The following GPAT2 variants were observed in gnomAD, a reference collection of about 807,000 sequenced individuals.
GPAT2 encodes the protein 1-acylglycerol-3-phosphate O-acyltransferase GPAT2.
Under a neutral mutation model 71.0 loss-of-function variants are expected in GPAT2, and 51 were observed. That is an observed-to-expected ratio of 0.72 (90% CI 0.57 to 0.91). The LOEUF (loss-of-function observed/expected upper bound fraction) is 0.91. GPAT2 is among the 40% of genes least tolerant of loss of function. The probability of loss-of-function intolerance (pLI) is 0.00; values close to 1 mark genes in which losing one functional copy is unlikely to be tolerated. For synonymous variants in GPAT2, 222 were observed against 290.3 expected (o/e 0.76, Z 2.39); for missense variants, 511 against 666.0 (o/e 0.77, Z 2.56).
chr2:96,024,667 G>C lies in GPAT2; in HGVS notation c.1447C>G (p.Leu483Val). Reference protein sequence around the residue: ...KHQKGVFLSQLLGEFSWLTEE... With the variant: ...KHQKGVFLSQVLGEFSWLTEE... Reference sequence around the variant, plus strand: ...GTCAGCCAGGAGAACTCCCCCAGGAGCTGCGACAGGAACACACCCTGGGTG... The same window carrying C: ...GTCAGCCAGGAGAACTCCCCCAGGACCTGCGACAGGAACACACCCTGGGTG... Residue 483 changes from leucine to valine, a missense_variant, in exon 15 of 22, where the codon CTC becomes GTC. Leu to Val is a conservative substitution (Grantham distance 32, BLOSUM62 1). Coordinates refer to ENST00000434632, the MANE Select transcript of GPAT2 (RefSeq NM_001321527.2). 1.2e-6 allele frequency: 2 copies of C among 1,613,954 alleles called. No individual in the cohort carries two copies. Among genetic ancestry groups the C allele is most frequent in the South Asian group, 1.1e-5 (1 of 91,086 alleles).
At chr2:96,022,768 G>T in intron 20 of GPAT2, 45 bp from the exon 21 acceptor site, 1 of 1,613,992 alleles carries the variant, frequency 6.2e-7, no homozygotes, top group Non-Finnish European at 8.5e-7. Flanking sequence ...GGAGAACAGA[G>T]AGCCACTGGG....
chr2:96,030,282 CT>C (rs1680626193), intron 6 of GPAT2, 123 bp downstream of exon 6: 5 of 523,802 alleles, frequency 9.5e-6, no homozygotes, highest in Non-Finnish European at 1.8e-5. Flanking sequence ...CTGCAGCCCA[CT>C]CTGGTAAACA....
At chr2:96,026,331 A>G in intron 10 of GPAT2, 26 bp from the exon 11 acceptor site, 1 of 1,474,790 alleles carries the variant, frequency 6.8e-7, no homozygotes, top group Non-Finnish European at 9.0e-7. Context: ...GGATAACTAT[A>G]CTCGCCGAGG....
chr2:96,022,175 T>C lies in GPAT2; in HGVS notation c.2390A>G (p.Gln797Arg), dbSNP rs1482415794. ...CTCACAGTTCTAGCTACAAATGAACTGCCGGATGAACTGTTCTAGTTTTTC... is the reference window on the plus strand; with the variant it reads ...CTCACAGTTCTAGCTACAAATGAACCGCCGGATGAACTGTTCTAGTTTTTC... ...NQEKLEQFIR[Q>R]FICS The change falls in exon 22 of 22, where the codon CAG (glutamine) becomes CGG (arginine). Residue 797 changes from glutamine (Q) to arginine (R), a missense_variant. By Grantham distance (43) the Gln-to-Arg change is conservative (BLOSUM62 1). This residue lies in a region of GPAT2 where 108 missense variants were observed against 117.6 expected (regional missense o/e 0.92). Coordinates refer to ENST00000434632, the MANE Select transcript of GPAT2 (RefSeq NM_001321527.2). 4.3e-5 allele frequency: 70 copies of C among 1,610,714 alleles called. No individual in the cohort carries two copies. The highest frequency in any genetic ancestry group is 5.8e-5 in the Non-Finnish European group (68 of 1,179,310).
Position 96,022,639 on chromosome 2 carries a change from C to A in GPAT2, c.2289+29G>T, listed in dbSNP as rs181287801. 141 of 1,611,980 alleles carry A rather than the reference C, an allele frequency of 8.7e-5. No homozygotes were observed. The East Asian group carries it at 2.4e-3, about 28-fold the overall frequency. On this transcript the variant is annotated intron_variant, in intron 21 of 21. Transcript: ENST00000434632. Reference sequence around the variant, plus strand: ...CTCTATTGGGGTGGGAGCAGGGGGACAGAAGATGGTGACAGTGGCTCCTCT... The same window carrying A: ...CTCTATTGGGGTGGGAGCAGGGGGAAAGAAGATGGTGACAGTGGCTCCTCT...
Position 96,024,426 on chromosome 2 carries a change from C to T in GPAT2, c.1687+1G>A. On this transcript the variant is annotated splice_donor_variant, in intron 15 of 21. Coordinates refer to ENST00000434632, the MANE Select transcript of GPAT2 (RefSeq NM_001321527.2). LOFTEE classifies it high-confidence loss of function. ...CCTACCCCGTGCACCTCAAGACTCA[C>T]CGCCCACAGCCTCGCTCAGGAAGAC... The T allele has an allele frequency of 9.9e-6, 16 of 1,613,416 alleles. No individual in the cohort carries two copies. Among genetic ancestry groups the T allele is most frequent in the Non-Finnish European group, 1.4e-5 (16 of 1,179,532 alleles).
In GPAT2 at chr2:96,024,293, C is replaced by G; in HGVS notation, c.1732G>C (p.Gly578Arg). The G allele has an allele frequency of 6.4e-7, 1 of 1,556,972 alleles. No homozygotes were observed. The change falls in exon 16 of 22, where the codon GGG (glycine) becomes CGG (arginine). Residue 578 changes from glycine (G) to arginine (R), a missense_variant. Physicochemically the swap from Gly to Arg is moderately radical, Grantham distance 125. Coordinates refer to ENST00000434632, the MANE Select transcript of GPAT2 (RefSeq NM_001321527.2). ...AATATGCCCTGCAGCTCCCAGGGCC[C>G]CTGGGGCGGCACTCTGCCTGCCAGC... ...GLLAGRVPPQ[G>R]PWELQGILLL...
At chr2:96,024,901 C>T (rs1186752279) in intron 13 of GPAT2, 58 bp from the exon 14 acceptor site, 2 of 1,584,522 alleles carry the variant, frequency 1.3e-6, no homozygotes, top group South Asian at 1.1e-5. Context: ...AGCCTGGTCC[C>T]TCCATGATCT....
Position 96,023,004 on chromosome 2 carries a change from CTGCTCTGTG to C in GPAT2, c.2178_2186del (p.Tyr726_Gln729delinsTer). 1 of 1,613,996 alleles carries C rather than the reference CTGCTCTGTG, an allele frequency of 6.2e-7. No individual in the cohort carries two copies. Among genetic ancestry groups the C allele is most frequent in the Non-Finnish European group, 8.5e-7 (1 of 1,179,864 alleles). On this transcript the variant is annotated stop_gained and inframe_deletion, in exon 20 of 22. Coordinates refer to ENST00000434632, the MANE Select transcript of GPAT2 (RefSeq NM_001321527.2). LOFTEE classifies it high-confidence loss of function. The stretch of plus-strand genomic sequence containing the variant: ...CGGTGGCCTGCAGGAACTGGAACAG[CTGCTCTGTG>C]TAGCCCAACTCTGCAGAAGAGAGAA...
At chr2:96,034,165 C>A (rs1274761262) in intron 1 of GPAT2, among the ~76,000 whole-genome samples, 1 of 108,830 alleles carries the variant, frequency 9.2e-6, no homozygotes, top group African/African-American at 3.4e-5. Flanking sequence ...CGTTGAACAG[C>A]AGAGGGCTTG....
In GPAT2 at chr2:96,023,912, GC is replaced by G; in HGVS notation, c.1914+10del. 6.3e-7 allele frequency: 1 copy of G among 1,580,828 alleles called. No homozygotes were observed. The highest frequency in any genetic ancestry group is 1.2e-5 in the South Asian group (1 of 86,240). On this transcript the variant is annotated intron_variant, in intron 17 of 21. Transcript: ENST00000434632. ...CCAGGCAAGGATCTTGTCTCCAACT[GC>G]CCTGCCTACCTCCTCAGCAACCAGG...
In GPAT2 at chr2:96,024,429, C is replaced by T; in HGVS notation, c.1685G>A (p.Gly562Asp). ...ACCCCGTGCACCTCAAGACTCACCG[C>T]CCACAGCCTCGCTCAGGAAGACGGG... ...LLPVFLSEAV[G>D]ACAVRGLLAG... The change falls in exon 15 of 22, where the codon GGC (glycine) becomes GAC (aspartate). Residue 562 changes from glycine (G) to aspartate (D), a missense_variant and splice_region_variant. Gly to Asp is a moderately conservative substitution (Grantham distance 94, BLOSUM62 -1). Coordinates refer to ENST00000434632, the MANE Select transcript of GPAT2 (RefSeq NM_001321527.2). 6.2e-7 allele frequency: 1 copy of T among 1,613,548 alleles called. No homozygotes were observed.
rs769016700 is a variant in GPAT2, at chr2:96,023,302, AAC to A, written c.2046+5_2046+6del. 6.2e-7 allele frequency: 1 copy of A among 1,614,102 alleles called. No individual in the cohort carries two copies. The highest frequency in any genetic ancestry group is 8.5e-7 in the Non-Finnish European group (1 of 1,179,984). On this transcript the variant is annotated splice_donor_5th_base_variant and intron_variant, in intron 18 of 21. Transcript: ENST00000434632. ...CCTCCCTCCAGGGGCAGCTTTTTGA[AAC>A]ACACCCTGAAGTACCGGCCGTCAGC... is the stretch of plus-strand genomic sequence containing the variant.
chr2:96,024,792 A>C lies in GPAT2; in HGVS notation c.1409T>G (p.Leu470Arg). Residue 470 changes from leucine (L) to arginine (R), a missense_variant, in exon 14 of 22, where the codon CTG becomes CGG. Physicochemically the swap from Leu to Arg is moderately radical, Grantham distance 102 (BLOSUM62 -2). This residue lies in a region of GPAT2 where 295 missense variants were observed against 305.5 expected (regional missense o/e 0.97). Coordinates refer to ENST00000434632, the MANE Select transcript of GPAT2 (RefSeq NM_001321527.2). Reference protein sequence around the residue: ...VMSTAIMATLLLFKHQKGVFL... With the variant: ...VMSTAIMATLRLFKHQKGVFL... ...CCCTACCTTCTGATGCTTGAAGAGC[A>C]GCAGCGTTGCCATAATGGCCGTGCT... 1 of 1,613,818 alleles carries C rather than the reference A, an allele frequency of 6.2e-7. No individual in the cohort carries two copies. Among genetic ancestry groups the C allele is most frequent in the African/African-American group, 1.3e-5 (1 of 74,976 alleles).
Position 96,024,662 on chromosome 2 carries a change from C to A in GPAT2, c.1452G>T (p.Leu484=), listed in dbSNP as rs771221189. The part of the protein sequence containing the change: ...HQKGVFLSQL[L]GEFSWLTEEI... ...CCTCCGTCAGCCAGGAGAACTCCCC[C>A]AGGAGCTGCGACAGGAACACACCCT... The change falls in exon 15 of 22, where the codon CTG becomes CTT. Residue 484 remains leucine, a synonymous_variant. Coordinates refer to ENST00000434632, the MANE Select transcript of GPAT2 (RefSeq NM_001321527.2). 5.0e-6 allele frequency: 8 copies of A among 1,613,726 alleles called. No homozygotes were observed. The Admixed American group carries it at 6.7e-5, about 13-fold the overall frequency.
At position 96,021,979 on chromosome 2, in the gene GPAT2, G is replaced by A. The variant is rs549880621; in HGVS notation, c.*180C>T. Reference sequence around the variant, plus strand: ...GGCTGGGGAAAAGACAACTCGTCTCGTCCCCTTGTTTATCACATCAAAGAA... The same window carrying A: ...GGCTGGGGAAAAGACAACTCGTCTCATCCCCTTGTTTATCACATCAAAGAA... On this transcript the variant is annotated 3_prime_UTR_variant, in exon 22 of 22. Transcript: ENST00000434632. 33 of 1,401,436 alleles carry A rather than the reference G, an allele frequency of 2.4e-5. No homozygotes were observed. The highest frequency in any genetic ancestry group is 5.2e-4 in the Middle Eastern group (2 of 3,824). 86.8% of individuals were successfully genotyped at this position (1,401,436 alleles called of 1,614,324 possible). A position where few individuals can be genotyped will look rare whatever the true frequency, so the allele number is the denominator to read the frequency against.
chr2:96,034,111 T>G (rs1680880446), intron 1 of GPAT2, among the ~76,000 whole-genome samples: 1 of 141,208 alleles, frequency 7.1e-6, no homozygotes, highest in African/African-American at 2.6e-5. Context: ...CACACACACT[T>G]CTTTGACTAC....
chr2:96,026,924 G>T lies in GPAT2; in HGVS notation c.820-15C>A, dbSNP rs1222471719. On this transcript the variant is annotated splice_polypyrimidine_tract_variant and intron_variant, in intron 9 of 21. Coordinates refer to ENST00000434632, the MANE Select transcript of GPAT2 (RefSeq NM_001321527.2). ...TGCTCTATGACCTGGAATAGGAGGG[G>T]TCAGAGGGGGTGTTAAGGCCAGAGC... The T allele has an allele frequency of 1.1e-4, 2 of 18,076 alleles. No homozygotes were observed. Among genetic ancestry groups the T allele is most frequent in the Non-Finnish European group, 2.0e-4 (2 of 9,850 alleles). 1.1% of individuals were successfully genotyped at this position (18,076 alleles called of 1,614,324 possible).
In GPAT2 at chr2:96,024,397, C is replaced by T. The variant is rs551076001; in HGVS notation, c.1687+30G>A. 6.6e-5 allele frequency: 107 copies of T among 1,609,038 alleles called. 2 individuals are homozygous for T. The South Asian group carries it at 1.1e-3, about 17-fold the overall frequency. ...GTTCCCTTCACCACTGCACACACAT[C>T]CCACCTACCCCGTGCACCTCAAGAC... On this transcript the variant is annotated intron_variant, in intron 15 of 21. Coordinates refer to ENST00000434632, the MANE Select transcript of GPAT2 (RefSeq NM_001321527.2).
Sources: gnomAD v4.1 joint callset for allele counts (sites outside exome capture counted in the v4.1 genomes callset) on GRCh38, gnomAD v4.1.1 for gene constraint, gnomAD v4.1.1 regional missense constraint, MANE v1.5 for transcripts, NCBI Gene and HGNC (gene_info 2026-07-23, HGNC 2026-07-21) for gene names.